LYPD1: variants seen among roughly 807,000 people sequenced by gnomAD.
The protein encoded by LYPD1 is LY6/PLAUR domain containing 1.
LYPD1 carries 14 observed loss-of-function variants against 14.2 expected under a neutral mutation model. The observed-to-expected ratio is 0.99, with a 90% CI of 0.65 to 1.54. The LOEUF (loss-of-function observed/expected upper bound fraction) is 1.54, where lower values mean the gene tolerates loss of function less well. Among genes scored for constraint, LYPD1 ranks in the 40% most tolerant of loss-of-function variants. The pLI, the probability that LYPD1 is intolerant of heterozygous loss-of-function variation, is 0.00. For synonymous variants in LYPD1, 85 were observed against 70.6 expected (o/e 1.20, Z -1.02); for missense variants, 165 against 175.7 (o/e 0.94, Z 0.34).
In LYPD1 at chr2:132,668,275, T is replaced by A. The variant is rs931685899; in HGVS notation, c.190+125A>T. The A allele has an allele frequency of 7.3e-6, 9 of 1,237,980 alleles. No homozygotes were observed. In the East Asian group the frequency reaches 2.1e-4, roughly 29 times the overall value. The allele number at this position is 1,237,980 out of a possible 1,614,324, so 76.7% of individuals were successfully genotyped here. ...ATTTTCCCAGCACTGTAAAACTAAA[T>A]CTGCGATAACCAGTGTGTGGGCATT... On this transcript the variant is annotated intron_variant, in intron 2 of 2. Transcript: ENST00000397463.
Position 132,643,874 on chromosome 2 carries a change from C to T in LYPD1, c.*2171G>A, listed in dbSNP as rs554248821. On this transcript the variant is annotated 3_prime_UTR_variant, in exon 3 of 3. Transcript: ENST00000397463. ...GTCATAGGCAGGAAGCATTCATTGC[C>T]AACTGTCACTTCCCTAGGGTTTCTA... Among the ~76,000 whole-genome samples, 3 of 152,262 alleles carry T rather than the reference C, an allele frequency of 2.0e-5. No homozygotes were observed. The South Asian group carries it at 6.2e-4, about 32-fold the overall frequency.
intron 2 of LYPD1, among the ~76,000 whole-genome samples, chr2:132,650,347 C>T (rs933837019): frequency 8.5e-5 from 13 of 152,108 alleles, no homozygotes; most frequent in African/African-American, 3.1e-4. Context: ...AGGCCCTTTC[C>T]CACATTGTTG....
chr2:132,659,772 C>T (rs534178056), intron 2 of LYPD1, among the ~76,000 whole-genome samples: 2 of 152,292 alleles, frequency 1.3e-5, no homozygotes, highest in South Asian at 2.1e-4. Context: ...GGAGCTGGGA[C>T]CCCTTTGCAC....
chr2:132,658,322 C>G (rs1260405592), intron 2 of LYPD1, among the ~76,000 whole-genome samples: 1 of 152,110 alleles, frequency 6.6e-6, no homozygotes, highest in Non-Finnish European at 1.5e-5. Context: ...CTACTTGCAG[C>G]CAAAAACATT....
chr2:132,649,862 A>G (rs996579347), intron 2 of LYPD1, among the ~76,000 whole-genome samples: 2 of 151,894 alleles, frequency 1.3e-5, no homozygotes, highest in South Asian at 2.1e-4. Flanking sequence ...ACTAAACGAC[A>G]CTTTGGAACC....
chr2:132,655,681 A>AT (rs1447182625), intron 2 of LYPD1, among the ~76,000 whole-genome samples: 1 of 151,652 alleles, frequency 6.6e-6, no homozygotes, highest in Non-Finnish European at 1.5e-5. Flanking sequence ...TGCCTGGCTA[A>AT]TTTTTTGTGT....
chr2:132,646,085 A>G lies in LYPD1; in HGVS notation c.386T>C (p.Ile129Thr), dbSNP rs1464480013. Residue 129 changes from isoleucine (I) to threonine (T), a missense_variant, in exon 3 of 3, where the codon ATC becomes ACC. Transcript: ENST00000397463. ...GAAGAGGGCTAATTTGAGGAACAGG[A>G]TGGTGGTGCGGAGCCCTGGCCTGAG... ...SALRPGLRTTILFLKLALFSA... is the reference protein window; with the variant it reads ...SALRPGLRTTTLFLKLALFSA... 4 of 1,603,058 alleles carry G rather than the reference A, an allele frequency of 2.5e-6. No homozygotes were observed. Among genetic ancestry groups the G allele is most frequent in the Non-Finnish European group, 3.4e-6 (4 of 1,173,848 alleles).
At chr2:132,670,270 A>G (rs1045219533), upstream of LYPD1, 3 of 423,206 alleles carry the variant, frequency 7.1e-6, no homozygotes, top group Admixed American at 5.6e-5. This position sits in a 1 kb window ranked among gnomAD's most constrained non-coding sequence, Gnocchi z 4.5. Context: ...CACTCCAGGC[A>G]TCACGTGACG....
At position 132,669,386 on chromosome 2, in the gene LYPD1, GCTC is replaced by G. The variant is rs1558891434; in HGVS notation, c.52+492_52+494del. Among the ~76,000 whole-genome samples, 1 of 151,026 alleles carries G rather than the reference GCTC, an allele frequency of 6.6e-6. No homozygotes were observed. Among genetic ancestry groups the G allele is most frequent in the African/African-American group, 2.4e-5 (1 of 41,018 alleles). ...CGGCCTGGCTGTTCTCGGTGTACGCGCTCCTGTCTAGACCCAACTACCCACGCT... is the reference window on the plus strand; with the variant it reads ...CGGCCTGGCTGTTCTCGGTGTACGCGCTGTCTAGACCCAACTACCCACGCT... On this transcript the variant is annotated intron_variant, in intron 1 of 2. Coordinates refer to ENST00000397463, the MANE Select transcript of LYPD1 (RefSeq NM_144586.7). This position sits in a 1 kb window ranked among gnomAD's most constrained non-coding sequence, Gnocchi z 4.3.
intron 2 of LYPD1, among the ~76,000 whole-genome samples, chr2:132,651,813 G>A (rs1391680877): frequency 1.3e-5 from 2 of 152,238 alleles, no homozygotes; most frequent in Non-Finnish European, 2.9e-5. Context: ...ATGTAAGTGC[G>A]TGAGTTGCCA....
At chr2:132,668,292 G>A (rs1373366288) in intron 2 of LYPD1, 108 bp downstream of exon 2, 16 of 1,343,998 alleles carry the variant, frequency 1.2e-5, no homozygotes, top group Non-Finnish European at 9.0e-6. Flanking sequence ...TAACCAGTGT[G>A]TGGGCATTAA....
At chr2:132,659,993 T>C (rs2288653) in intron 2 of LYPD1, among the ~76,000 whole-genome samples, 100,622 of 152,180 alleles carry the variant, frequency 0.66, 34,549 homozygotes, top group African/African-American at 0.86. Flanking sequence ...TGGAGGGCAT[T>C]GCAAACTGCT....
At chr2:132,659,159 T>C (rs1043285199) in intron 2 of LYPD1, among the ~76,000 whole-genome samples, 8 of 152,264 alleles carry the variant, frequency 5.3e-5, no homozygotes, top group Admixed American at 4.6e-4. Context: ...CAACTTGTCT[T>C]TATTCTATTT....
Position 132,643,694 on chromosome 2 carries a change from T to G in LYPD1, c.*2351A>C, listed in dbSNP as rs919328039. Among the ~76,000 whole-genome samples the G allele has an allele frequency of 5.3e-5, 8 of 152,198 alleles. No homozygotes were observed. The highest frequency in any genetic ancestry group is 1.9e-4 in the East Asian group (1 of 5,196). The stretch of plus-strand genomic sequence containing the variant: ...ACCACCATGCCTGGCTAAGTTTTTC[T>G]TTTTTTGTAGAGATGGGGTCTTGCT... On this transcript the variant is annotated 3_prime_UTR_variant, in exon 3 of 3. Transcript: ENST00000397463.
intron 2 of LYPD1, among the ~76,000 whole-genome samples, chr2:132,655,659 T>A (rs1423943717): frequency 6.6e-6 from 1 of 151,592 alleles, no homozygotes; most frequent in Non-Finnish European, 1.5e-5. Context: ...GGACTACAGG[T>A]GCCTGCCACC....
rs759232358 is a variant in LYPD1 at position 132,645,310 on chromosome 2, G to T, written c.*735C>A. The T allele has an allele frequency of 1.1e-5, 18 of 1,614,178 alleles. No individual in the cohort carries two copies. The highest frequency in any genetic ancestry group is 1.4e-5 in the Non-Finnish European group (16 of 1,180,028). On this transcript the variant is annotated 3_prime_UTR_variant, in exon 3 of 3. Transcript: ENST00000397463. ...CTCGCAGCAGTTTCGGCGGGTGTTC[G>T]TGCAGGTGCTGTGCTGCCGCCTGTC...
chr2:132,650,730 A>AAC (rs1682332199), intron 2 of LYPD1, among the ~76,000 whole-genome samples: 1 of 54,890 alleles, frequency 1.8e-5, no homozygotes, highest in African/African-American at 3.9e-5. Flanking sequence ...AAAAAAAACA[A>AAC]AAAACAAAAA....
intron 2 of LYPD1, among the ~76,000 whole-genome samples, chr2:132,660,112 G>A (rs955680613): frequency 7.2e-5 from 11 of 152,342 alleles, no homozygotes; most frequent in African/African-American, 2.6e-4. Context: ...ATTCCACTGT[G>A]CTCACAAAGA....
rs721470 is a variant in LYPD1, at chr2:132,669,198, C to A, written c.53-661G>T. Among the ~76,000 whole-genome samples the A allele has an allele frequency of 0.59, 89,808 of 151,904 alleles. 26,694 individuals carry two copies. The highest frequency in any genetic ancestry group is 0.66 in the East Asian group (3,338 of 5,092). On this transcript the variant is annotated intron_variant, in intron 1 of 2. Transcript: ENST00000397463. This position sits in a 1 kb window ranked among gnomAD's most constrained non-coding sequence, Gnocchi z 4.3. ...GGGAAAGGGCGTTTGTGAGCGCGCG[C>A]ACCCTGGATCCCCGACCCCGCAGCC...
Sources: allele counts gnomAD v4.1 joint callset (sites outside exome capture counted in the v4.1 genomes callset), GRCh38; gene constraint gnomAD v4.1.1; non-coding constraint Gnocchi (gnomAD v3.1); transcripts MANE v1.5; gene names NCBI Gene and HGNC (gene_info 2026-07-23, HGNC 2026-07-21).